Variants in KNOP1 observed in about 807,000 individuals in gnomAD.
The protein encoded by KNOP1 is lysine rich nucleolar protein 1, also known as lysine-rich nucleolar protein 1.
KNOP1 carries 20 observed loss-of-function variants against 30.6 expected under a neutral mutation model. The observed-to-expected ratio is 0.65, with a 90% CI of 0.46 to 0.95. KNOP1 has a LOEUF of 0.95. Ranked by LOEUF, KNOP1 falls within the 40% of genes least tolerant of loss-of-function variation. The pLI is 0.00. For synonymous variants in KNOP1, 204 were observed against 210.0 expected (o/e 0.97, Z 0.25); for missense variants, 540 against 562.0 (o/e 0.96, Z 0.40).
chr16:19,713,480 A>AG (rs1345577452), intron 2 of KNOP1, among the ~76,000 whole-genome samples: 1 of 152,154 alleles, frequency 6.6e-6, no homozygotes, highest in Non-Finnish European at 1.5e-5. Context: ...ATAGATTTAC[A>AG]GGGGCCACCC....
Position 19,714,393 on chromosome 16 carries a change from T to TC in KNOP1, c.642dup (p.Lys215GlufsTer26), listed in dbSNP as rs762297907. 11 of 1,613,918 alleles carry TC rather than the reference T, an allele frequency of 6.8e-6. No individual in the cohort carries two copies. The highest frequency in any genetic ancestry group is 6.8e-6 in the Non-Finnish European group (8 of 1,179,940). On this transcript the variant is annotated frameshift_variant, in exon 2 of 5. Transcript: ENST00000219837. LOFTEE classifies it high-confidence loss of function. ...TCTCCCTCCTGGTGGATTTTTTTTTTCTTCTTCACCTTCCCATTGTGTTCT... is the reference window on the plus strand; with the variant it reads ...TCTCCCTCCTGGTGGATTTTTTTTTTCCTTCTTCACCTTCCCATTGTGTTCT...
In KNOP1 at chr16:19,702,468, C is replaced by T. The variant is rs555315768; in HGVS notation, c.*4442G>A. The T allele has an allele frequency of 2.6e-5, 4 of 152,318 alleles. No homozygotes were observed. The highest frequency in any genetic ancestry group is 9.6e-5 in the African/African-American group (4 of 41,574). 9.4% of individuals were successfully genotyped at this position (152,318 alleles called of 1,614,324 possible). A position where few individuals can be genotyped will look rare whatever the true frequency, so the allele number is the denominator to read the frequency against. ...AATTCTTACCGCTCTCACATTACAC[C>T]TGAACTTGGACTTTCACATGAGGTC... On this transcript the variant is annotated 3_prime_UTR_variant, in exon 5 of 5. Transcript: ENST00000219837.
rs555663877 is a variant in KNOP1, at chr16:19,714,574, T to C, written c.462A>G (p.Glu154=). 1.9e-6 allele frequency: 3 copies of C among 1,614,104 alleles called. No homozygotes were observed. The highest frequency in any genetic ancestry group is 1.1e-5 in the South Asian group (1 of 91,070). The change falls in exon 2 of 5, where the codon GAA becomes GAG. Residue 154 remains glutamate (E), a synonymous_variant. Coordinates refer to ENST00000219837, the MANE Select transcript of KNOP1 (RefSeq NM_001012991.3). ...VGKKLKKHKK[E]KKGAQDPTAF... ...CTGTGGGGTCCTGGGCCCCCTTTTT[T>C]TCCTTCTTGTGTTTTTTGAGCTTCT...
chr16:19,714,263 ATG>A lies in KNOP1; in HGVS notation c.771_772del (p.Ile258LysfsTer2). On this transcript the variant is annotated frameshift_variant, in exon 2 of 5. Coordinates refer to ENST00000219837, the MANE Select transcript of KNOP1 (RefSeq NM_001012991.3). LOFTEE classifies it high-confidence loss of function. ...TGCGGAGGCCTTAGGGTCATCACTT[ATG>A]GGGATGTATTCCGGAGCCTCAACTT... The A allele has an allele frequency of 6.2e-7, 1 of 1,613,930 alleles. No individual in the cohort carries two copies. The highest frequency in any genetic ancestry group is 8.5e-7 in the Non-Finnish European group (1 of 1,179,996).
chr16:19,718,097 T>C, intron 1 of KNOP1, 61 bp downstream of exon 1: 1 of 1,428,338 alleles, frequency 7.0e-7, no homozygotes, highest in Non-Finnish European at 9.1e-7. Flanking sequence ...CGCCGCGCAC[T>C]TCCTCTGGTG....
intron 4 of KNOP1, 139 bp from the exon 5 acceptor site, chr16:19,707,360 C>T (rs772601215): frequency 4.6e-6 from 3 of 657,418 alleles, no homozygotes; most frequent in Middle Eastern, 4.1e-4. Context: ...AGCTCAACAA[C>T]GGATTATTCC....
At position 19,701,993 on chromosome 16, in the gene KNOP1, T is replaced by C. The variant is rs57349257; in HGVS notation, c.*4917A>G. ...TATTTCACAAAATTCTGTTTTTTTT[T>C]CTTTTTTTTGAGACAGTTTCACTCT... On this transcript the variant is annotated 3_prime_UTR_variant, in exon 5 of 5. Coordinates refer to ENST00000219837, the MANE Select transcript of KNOP1 (RefSeq NM_001012991.3). The C allele has an allele frequency of 0.22, 33,684 of 150,962 alleles. 4,272 individuals carry two copies. The highest frequency in any genetic ancestry group is 0.35 in the African/African-American group (14,205 of 40,362). The allele number at this position is 150,962 out of a possible 1,614,324, so 9.4% of individuals were successfully genotyped here.
At chr16:19,709,034 C>A (rs1184784948) in intron 4 of KNOP1, among the ~76,000 whole-genome samples, 3 of 152,230 alleles carry the variant, frequency 2.0e-5, no homozygotes, top group African/African-American at 4.8e-5. Flanking sequence ...CCGAATCACA[C>A]TGCCTTTTTT....
At chr16:19,716,758 G>A (rs1977123880) in intron 1 of KNOP1, among the ~76,000 whole-genome samples, 1 of 152,168 alleles carries the variant, frequency 6.6e-6, no homozygotes, top group South Asian at 2.1e-4. Context: ...TCTTGAGAGG[G>A]AGACCACATG....
In KNOP1 at chr16:19,703,384, G is replaced by C. The variant is rs1313431439; in HGVS notation, c.*3526C>G. 1 of 151,958 alleles carries C rather than the reference G, an allele frequency of 6.6e-6. No individual in the cohort carries two copies. Among genetic ancestry groups the C allele is most frequent in the Non-Finnish European group, 1.5e-5 (1 of 68,004 alleles). 9.4% of individuals were successfully genotyped at this position (151,958 alleles called of 1,614,324 possible). A position where few individuals can be genotyped will look rare whatever the true frequency, so the allele number is the denominator to read the frequency against. ...TCCTCTTCCACATTTAGGGATCTTT[G>C]TGATTCCTCCGGCCCACCCAGAAAC... On this transcript the variant is annotated 3_prime_UTR_variant, in exon 5 of 5. Coordinates refer to ENST00000219837, the MANE Select transcript of KNOP1 (RefSeq NM_001012991.3).
At position 19,707,082 on chromosome 16, in the gene KNOP1, ATGTTGGGCCT is replaced by A. The variant is rs779686034; in HGVS notation, c.1195_1204del (p.Arg399TrpfsTer23). The stretch of plus-strand genomic sequence containing the variant: ...GTCAGCCGCCTTCTTGCCGAGGGCC[ATGTTGGGCCT>A]TGCAATCGTGCTGGCGGGGCGGCTG... On this transcript the variant is annotated frameshift_variant, in exon 5 of 5. Transcript: ENST00000219837. LOFTEE classifies it low-confidence loss of function (END_TRUNC). The A allele has an allele frequency of 1.2e-6, 2 of 1,614,154 alleles. No homozygotes were observed. The highest frequency in any genetic ancestry group is 1.7e-6 in the Non-Finnish European group (2 of 1,180,030).
chr16:19,713,540 C>T lies in KNOP1; in HGVS notation c.918+578G>A, dbSNP rs540824807. 8.5e-5 allele frequency among the ~76,000 whole-genome samples: 13 copies of T among 152,174 alleles called. No individual in the cohort carries two copies. The East Asian group carries it at 9.7e-4, about 11-fold the overall frequency. On this transcript the variant is annotated intron_variant, in intron 2 of 4. Transcript: ENST00000219837. ...TGCTGGGATGAAAGCCTAGAGCTGC[C>T]GGGACCATCAGGTCACAATGTGATG...
intron 2 of KNOP1, among the ~76,000 whole-genome samples, chr16:19,713,082 C>G (rs1318452629): frequency 6.6e-6 from 1 of 152,068 alleles, no homozygotes; most frequent in Admixed American, 6.6e-5. Flanking sequence ...GGACTGATAC[C>G]CGCCCTGTCC....
chr16:19,702,847 T>A lies in KNOP1; in HGVS notation c.*4063A>T, dbSNP rs78934978. ...CTCTACTAAAAATACAAAAAAAAAT[T>A]AGCTGGGTGTGGTGGTGCTCACCTG... On this transcript the variant is annotated 3_prime_UTR_variant, in exon 5 of 5. Coordinates refer to ENST00000219837, the MANE Select transcript of KNOP1 (RefSeq NM_001012991.3). The A allele has an allele frequency of 5.9e-5, 9 of 152,048 alleles. No homozygotes were observed. Among genetic ancestry groups the A allele is most frequent in the African/African-American group, 2.2e-4 (9 of 41,448 alleles). The allele number at this position is 152,048 out of a possible 1,614,324, so 9.4% of individuals were successfully genotyped here.
At chr16:19,712,659 A>ACC (rs928359105) in intron 2 of KNOP1, among the ~76,000 whole-genome samples, 2 of 152,100 alleles carry the variant, frequency 1.3e-5, no homozygotes, top group African/African-American at 4.8e-5. Context: ...CCAGACAGGT[A>ACC]GGAGGATGAG....
Position 19,715,022 on chromosome 16 carries a change from G to A in KNOP1, c.14C>T (p.Thr5Ile). 2 of 1,560,662 alleles carry A rather than the reference G, an allele frequency of 1.3e-6. No individual in the cohort carries two copies. Among genetic ancestry groups the A allele is most frequent in the South Asian group, 2.5e-5 (2 of 80,516 alleles). MITK[T>I]HKVDLGLPEK... ...TGGGAGCCCAAGGTCTACTTTGTGT[G>A]TCTTGGTGATCATTCCTGAAAAAAC... The change falls in exon 2 of 5, where the codon ACA becomes ATA. Residue 5 changes from threonine to isoleucine, a missense_variant. Thr to Ile is a moderately conservative substitution (Grantham distance 89). Transcript: ENST00000219837.
Position 19,714,313 on chromosome 16 carries a change from T to C in KNOP1, c.723A>G (p.Lys241=), listed in dbSNP as rs1446836652. 6.2e-7 allele frequency: 1 copy of C among 1,614,104 alleles called. No individual in the cohort carries two copies. Among genetic ancestry groups the C allele is most frequent in the Admixed American group, 1.7e-5 (1 of 60,010 alleles). ...CTTTGACTGGCTTCTTTTTACTTCCTTTCCTAGGGCTGCTCTCCATGGACC... is the reference window on the plus strand; with the variant it reads ...CTTTGACTGGCTTCTTTTTACTTCCCTTCCTAGGGCTGCTCTCCATGGACC... The part of the protein sequence containing the change: ...PSRSMESSPR[K]GSKKKPVKVE... The change falls in exon 2 of 5, where the codon AAA becomes AAG. Residue 241 remains lysine, a synonymous_variant. Coordinates refer to ENST00000219837, the MANE Select transcript of KNOP1 (RefSeq NM_001012991.3).
Position 19,714,373 on chromosome 16 carries a change from C to T in KNOP1, c.663G>A (p.Glu221=), listed in dbSNP as rs1976880647. 1 of 1,614,052 alleles carries T rather than the reference C, an allele frequency of 6.2e-7. No individual in the cohort carries two copies. Among genetic ancestry groups the T allele is most frequent in the Non-Finnish European group, 8.5e-7 (1 of 1,179,974 alleles). ...TGGAGTGGCCTGGGAGGGCATCTCC[C>T]TCCTGGTGGATTTTTTTTTTCTTCT... The part of the protein sequence containing the change: ...KVKKKKKIHQ[E]GDALPGHSKP... Residue 221 remains glutamate, a synonymous_variant, in exon 2 of 5, where the codon GAG becomes GAA. Coordinates refer to ENST00000219837, the MANE Select transcript of KNOP1 (RefSeq NM_001012991.3).
chr16:19,712,207 C>G (rs563629792), intron 2 of KNOP1: 4 of 152,330 alleles, frequency 2.6e-5, no homozygotes, highest in African/African-American at 9.6e-5. Context: ...GGGTTCCTCC[C>G]AACTCCAAGT....
Sources: gnomAD v4.1 joint callset for allele counts (sites outside exome capture counted in the v4.1 genomes callset) on GRCh38, gnomAD v4.1.1 for gene constraint, MANE v1.5 for transcripts, NCBI Gene and HGNC (gene_info 2026-07-23, HGNC 2026-07-21) for gene names.